The following MYO18A variants were observed in gnomAD, a reference collection of about 807,000 sequenced individuals.
The protein encoded by MYO18A is myosin XVIIIA.
In MYO18A, 78 loss-of-function variants were observed where a neutral mutation model predicts 235.8. The observed-to-expected ratio is 0.33, with a 90% CI of 0.28 to 0.40. The LOEUF is 0.40. Among genes scored for constraint, MYO18A ranks in the 10% least tolerant of loss-of-function variants. The probability of loss-of-function intolerance (pLI) is 1.00; values close to 1 mark genes in which losing one functional copy is unlikely to be tolerated. For missense variants in MYO18A, 2,215 were observed against 2,699.3 expected, an observed-to-expected ratio of 0.82 and a Z score of 3.98; for synonymous variants, 977 against 1,077.8, an observed-to-expected ratio of 0.91 and a Z score of 1.83.
In MYO18A at chr17:29,103,788, G is replaced by A. The variant is rs2066714531; in HGVS notation, c.3442-124C>T. The A allele has an allele frequency of 4.6e-6, 4 of 868,766 alleles. No homozygotes were observed. In the Admixed American group the frequency reaches 8.7e-5, roughly 19 times the overall value. 53.8% of individuals were successfully genotyped at this position (868,766 alleles called of 1,614,324 possible). On this transcript the variant is annotated intron_variant, in intron 20 of 41. Coordinates refer to ENST00000527372, the MANE Select transcript of MYO18A (RefSeq NM_078471.4). Reference sequence around the variant, plus strand: ...CAGTCTGTTATTCATGCACTTGCGTGGGCTTCCTCAGTGTCAGGCACTGGG... The same window carrying A: ...CAGTCTGTTATTCATGCACTTGCGTAGGCTTCCTCAGTGTCAGGCACTGGG...
At chr17:29,116,395 G>A (rs780522004) in intron 11 of MYO18A, 49 bp downstream of exon 11, 2 of 1,610,786 alleles carry the variant, frequency 1.2e-6, no homozygotes, top group South Asian at 1.1e-5. Flanking sequence ...CAGCCAACAT[G>A]TGTCTAATCA....
chr17:29,176,939 A>G (rs1472476734), intron 1 of MYO18A, among the ~76,000 whole-genome samples: 2 of 152,148 alleles, frequency 1.3e-5, no homozygotes, highest in Non-Finnish European at 2.9e-5. Flanking sequence ...TCTCCCCCGG[A>G]AGGCAGCAAT....
Position 29,073,999 on chromosome 17 carries a change from C to A in MYO18A, c.*771G>T. 1 of 1,613,658 alleles carries A rather than the reference C, an allele frequency of 6.2e-7. No homozygotes were observed. Among genetic ancestry groups the A allele is most frequent in the South Asian group, 1.1e-5 (1 of 91,050 alleles). On this transcript the variant is annotated 3_prime_UTR_variant, in exon 42 of 42. Coordinates refer to ENST00000527372, the MANE Select transcript of MYO18A (RefSeq NM_078471.4). ...GGTCATTGCACATAACACGCTGAGA[C>A]AAAGAGGGTGGGGTGGGGGCTGGAG...
intron 36 of MYO18A, 152 bp from the exon 37 acceptor site, chr17:29,090,250 C>T: frequency 1.2e-6 from 1 of 853,474 alleles, no homozygotes; most frequent in Non-Finnish European, 1.8e-6. Context: ...GGGCCAGAGG[C>T]CTCCCCCATC....
At position 29,092,927 on chromosome 17, in the gene MYO18A, A is replaced by G. The variant is rs1055535413; in HGVS notation, c.5001T>C (p.Asp1667=). 8.7e-6 allele frequency: 14 copies of G among 1,613,924 alleles called. No individual in the cohort carries two copies. Among genetic ancestry groups the G allele is most frequent in the Non-Finnish European group, 1.1e-5 (13 of 1,179,884 alleles). Residue 1667 remains aspartate, a synonymous_variant, in exon 33 of 42, where the codon GAT becomes GAC. Transcript: ENST00000527372. ...TCAGGTGGTCCAGCATGAGCTGGGC[A>G]TCTGCCAGCAGGGCCTTGGTGCGCT... The part of the protein sequence containing the change: ...DLKRTKALLA[D]AQLMLDHLKN...
At chr17:29,164,893 A>C (rs1403026931) in intron 2 of MYO18A, among the ~76,000 whole-genome samples, 1 of 152,132 alleles carries the variant, frequency 6.6e-6, no homozygotes, top group East Asian at 1.9e-4. Context: ...GTCAGGACAT[A>C]CTATCTGTGT....
At chr17:29,128,184 G>T (rs1177948392) in intron 2 of MYO18A, 43 of 1,154,676 alleles carry the variant, frequency 3.7e-5, no homozygotes, top group Non-Finnish European at 4.3e-5. Context: ...GGCTTAGGCG[G>T]AGCAGGGGGA....
chr17:29,141,404 G>A (rs1174477949), intron 2 of MYO18A, among the ~76,000 whole-genome samples: 1 of 148,754 alleles, frequency 6.7e-6, no homozygotes, highest in Non-Finnish European at 1.5e-5. Context: ...GCAGAAAAAA[G>A]GAAACAGTCA....
At position 29,109,804 on chromosome 17, in the gene MYO18A, G is replaced by A. The variant is rs2066882452; in HGVS notation, c.3331+54C>T. ...GGTCGCAGGTGGGAGGTGGGGCCGG[G>A]CAGGGCCAGCTCTGGAAAAGAGAGC... On this transcript the variant is annotated intron_variant, in intron 19 of 41. Transcript: ENST00000527372. This position sits in a 1 kb window ranked among gnomAD's most constrained non-coding sequence, Gnocchi z 4.1. The A allele has an allele frequency of 6.5e-7, 1 of 1,533,934 alleles. No individual in the cohort carries two copies. Among genetic ancestry groups the A allele is most frequent in the Non-Finnish European group, 8.8e-7 (1 of 1,135,406 alleles).
chr17:29,080,982 C>T (rs1384922148), intron 41 of MYO18A: 12 of 985,362 alleles, frequency 1.2e-5, no homozygotes, highest in South Asian at 9.4e-5. Context: ...CCTCCACCCC[C>T]GGGGCCTCCT....
Position 29,158,151 on chromosome 17 carries a change from G to A in MYO18A, c.999+7791C>T, listed in dbSNP as rs546737259. Among the ~76,000 whole-genome samples the A allele has an allele frequency of 5.3e-5, 8 of 152,258 alleles. No homozygotes were observed. The East Asian group carries it at 1.5e-3, about 29-fold the overall frequency. ...CACCTAGGGCACGTGTCTACACTATGCACCATACTGAGCGCCACAGATAAC... is the reference window on the plus strand; with the variant it reads ...CACCTAGGGCACGTGTCTACACTATACACCATACTGAGCGCCACAGATAAC... On this transcript the variant is annotated intron_variant, in intron 2 of 41. Coordinates refer to ENST00000527372, the MANE Select transcript of MYO18A (RefSeq NM_078471.4). This position sits in a 1 kb window ranked among gnomAD's most constrained non-coding sequence, Gnocchi z 4.3.
At chr17:29,127,400 T>C (rs2067347740) in intron 2 of MYO18A, among the ~76,000 whole-genome samples, 2 of 152,330 alleles carry the variant, frequency 1.3e-5, no homozygotes, top group Middle Eastern at 3.4e-3. Context: ...GGACCTGTAT[T>C]ATCCCCACTC....
In MYO18A at chr17:29,074,347, G is replaced by A. The variant is rs1010797346; in HGVS notation, c.*423C>T. 5.6e-5 allele frequency: 42 copies of A among 748,594 alleles called. No homozygotes were observed. The highest frequency in any genetic ancestry group is 8.0e-5 in the Non-Finnish European group (37 of 462,854). The allele number at this position is 748,594 out of a possible 1,614,324, so 46.4% of individuals were successfully genotyped here. ...GAGAGAGCCCCCACCCCACACGAGA[G>A]GGAAGGCACTGCTTCTCCTCCCCCA... On this transcript the variant is annotated 3_prime_UTR_variant, in exon 42 of 42. Coordinates refer to ENST00000527372, the MANE Select transcript of MYO18A (RefSeq NM_078471.4). The surrounding 1 kb of genome is among the most constrained non-coding windows in gnomAD (Gnocchi z 4.4).
chr17:29,116,148 G>A (rs1234833674), intron 11 of MYO18A, among the ~76,000 whole-genome samples: 1 of 152,220 alleles, frequency 6.6e-6, no homozygotes. Context: ...CTAGGGGAAG[G>A]GCGGAGTCAG....
At chr17:29,093,079 A>G in intron 32 of MYO18A, 78 bp from the exon 33 acceptor site, 1 of 1,516,062 alleles carries the variant, frequency 6.6e-7, no homozygotes, top group South Asian at 1.2e-5. Context: ...CCTCCTCACC[A>G]CGTCCTCATT....
At chr17:29,079,908 C>T in intron 41 of MYO18A, 1 of 985,922 alleles carries the variant, frequency 1.0e-6, no homozygotes, top group Non-Finnish European at 1.2e-6. Flanking sequence ...CGCTGGATGA[C>T]GACGAGGAGG....
intron 32 of MYO18A, 108 bp downstream of exon 32, chr17:29,093,215 C>A (rs2066441218): frequency 8.8e-7 from 1 of 1,135,488 alleles, no homozygotes; most frequent in Non-Finnish European, 1.3e-6. Context: ...TTTGCAGCAC[C>A]CCCACCCCCG....
rs761772888 is a variant in MYO18A at position 29,110,591 on chromosome 17, C to A, written c.2932G>T (p.Ala978Ser). The A allele has an allele frequency of 5.0e-6, 8 of 1,608,790 alleles. No individual in the cohort carries two copies. The Admixed American group carries it at 8.4e-5, about 17-fold the overall frequency. Residue 978 changes from alanine (A) to serine (S), a missense_variant, in exon 18 of 42, where the codon GCA becomes TCA. Coordinates refer to ENST00000527372, the MANE Select transcript of MYO18A (RefSeq NM_078471.4). ...CCAGAGAGCACCGTGGCACTGCCTG[C>A]GCGGCCCAGAAACAGGTTGCTGATG... is the stretch of plus-strand genomic sequence containing the variant. The part of the protein sequence containing the change: ...KIISNLFLGR[A>S]GSATVLSGSI...
rs372030853 is a variant in MYO18A at position 29,074,862 on chromosome 17, C to T, written c.6073G>A (p.Asp2025Asn). The T allele has an allele frequency of 2.8e-4, 457 of 1,613,768 alleles. No homozygotes were observed. Among genetic ancestry groups the T allele is most frequent in the Non-Finnish European group, 3.7e-4 (438 of 1,179,876 alleles). Residue 2025 changes from aspartate (D) to asparagine (N), a missense_variant, in exon 42 of 42, where the codon GAC becomes AAC. Transcript: ENST00000527372. The surrounding 1 kb of genome is among the most constrained non-coding windows in gnomAD (Gnocchi z 4.4). ...LAPDRSDDEHDPLDNTSRPRY... is the reference protein window; with the variant it reads ...LAPDRSDDEHNPLDNTSRPRY... ...GGTCTGGAGGTGTTGTCGAGAGGGT[C>T]GTGCTCATCATCTGACCGATCAGGG... is the stretch of plus-strand genomic sequence containing the variant.
Sources: gnomAD v4.1 joint callset for allele counts (sites outside exome capture counted in the v4.1 genomes callset) on GRCh38, gnomAD v4.1.1 for gene constraint, Gnocchi (gnomAD v3.1) non-coding constraint, MANE v1.5 for transcripts, NCBI Gene and HGNC (gene_info 2026-07-23, HGNC 2026-07-21) for gene names.